The following ZNF804B variants were observed in gnomAD, a reference collection of about 807,000 sequenced individuals.
ZNF804B encodes zinc finger protein 804B.
Under a neutral mutation model 101.4 loss-of-function variants are expected in ZNF804B, and 80 were observed. The observed-to-expected ratio is 0.79, with a 90% confidence interval of 0.66 to 0.95. The LOEUF (loss-of-function observed/expected upper bound fraction) is 0.95, where lower values mean the gene tolerates loss of function less well. Among genes scored for constraint, ZNF804B ranks in the 40% least tolerant of loss-of-function variants. ZNF804B has a pLI of 0.00. For missense variants in ZNF804B, 1,673 were observed against 1,561.9 expected, an observed-to-expected ratio of 1.07 and a Z score of -1.20; for synonymous variants, 622 against 558.8, an observed-to-expected ratio of 1.11 and a Z score of -1.59.
At chr7:88,795,834 C>T (rs1562796119) in intron 1 of ZNF804B, 1 of 152,038 alleles carries the variant, frequency 6.6e-6, no homozygotes, top group Non-Finnish European at 1.5e-5. Flanking sequence ...ACGGGTATCT[C>T]GACAAACACT....
chr7:88,878,003 T>TA (rs2115900471), intron 1 of ZNF804B, among the ~76,000 whole-genome samples: 1 of 152,256 alleles, frequency 6.6e-6, no homozygotes, highest in South Asian at 2.1e-4. Context: ...AATACTATTG[T>TA]AAAAAAGATG....
intron 1 of ZNF804B, among the ~76,000 whole-genome samples, chr7:88,949,860 TTTGTAG>T (rs1793191237): frequency 6.6e-6 from 1 of 151,942 alleles, no homozygotes; most frequent in Non-Finnish European, 1.5e-5. Context: ...GCTGTACAGG[TTTGTAG>T]CCTAGGAGCG....
intron 1 of ZNF804B, among the ~76,000 whole-genome samples, chr7:88,814,824 G>A (rs1790851555): frequency 6.6e-6 from 1 of 151,740 alleles, no homozygotes; most frequent in African/African-American, 2.4e-5. Flanking sequence ...AGAAAGATTT[G>A]AATTTTTTAC....
chr7:88,999,512 TG>T (rs1424619709), intron 1 of ZNF804B, among the ~76,000 whole-genome samples: 1 of 152,016 alleles, frequency 6.6e-6, no homozygotes, highest in East Asian at 1.9e-4. Flanking sequence ...TAGTCTACTC[TG>T]TCATTTTTCC....
chr7:89,331,439 A>T (rs1463766970), intron 3 of ZNF804B, among the ~76,000 whole-genome samples: 3 of 151,744 alleles, frequency 2.0e-5, no homozygotes, highest in African/African-American at 7.2e-5. Flanking sequence ...TGCCTAATGA[A>T]CATCAAAAAT....
At chr7:89,223,826 G>T (rs534326901) in intron 2 of ZNF804B, among the ~76,000 whole-genome samples, 1 of 151,746 alleles carries the variant, frequency 6.6e-6, no homozygotes, top group Non-Finnish European at 1.5e-5. Context: ...TATAGCTCAC[G>T]TTTTTGGAAA....
At chr7:89,171,559 G>A (rs553991220) in intron 1 of ZNF804B, among the ~76,000 whole-genome samples, 4 of 151,680 alleles carry the variant, frequency 2.6e-5, no homozygotes, top group East Asian at 3.9e-4. Context: ...CTCAGCCTCC[G>A]GAGTAGCTGG....
chr7:88,797,452 T>C (rs1790503644), intron 1 of ZNF804B, among the ~76,000 whole-genome samples: 1 of 152,164 alleles, frequency 6.6e-6, no homozygotes, highest in South Asian at 2.1e-4. Flanking sequence ...TTTCCCTCCA[T>C]AGAATGCTGG....
chr7:88,786,359 A>G lies in ZNF804B; in HGVS notation c.108+26275A>G, dbSNP rs367748485. 3.5e-4 allele frequency among the ~76,000 whole-genome samples: 54 copies of G among 152,276 alleles called. No individual in the cohort carries two copies. In the East Asian group the frequency reaches 5.4e-3, roughly 15 times the overall value. ...TGACTCTGCATATAATGGGCAATCA[A>G]TAAATAATTCTTGGATTAATGTTTG... On this transcript the variant is annotated intron_variant, in intron 1 of 3. Coordinates refer to ENST00000333190, the MANE Select transcript of ZNF804B (RefSeq NM_181646.5).
At chr7:88,996,401 C>A (rs1421253901) in intron 1 of ZNF804B, among the ~76,000 whole-genome samples, 1 of 152,056 alleles carries the variant, frequency 6.6e-6, no homozygotes, top group Non-Finnish European at 1.5e-5. Context: ...CTCTTATGTT[C>A]TTGTTTACCG....
rs142373327 is a variant in ZNF804B at position 88,878,432 on chromosome 7, T to C, written c.108+118348T>C. 7.7e-4 allele frequency among the ~76,000 whole-genome samples: 118 copies of C among 152,294 alleles called. 1 individual carries two copies. The highest frequency in any genetic ancestry group is 2.6e-3 in the African/African-American group (110 of 41,576). On this transcript the variant is annotated intron_variant, in intron 1 of 3. Coordinates refer to ENST00000333190, the MANE Select transcript of ZNF804B (RefSeq NM_181646.5). Reference sequence around the variant, plus strand: ...TGTCTTAACAACTCAATTTTAATTTTATAGAGGATAGATTACTCAGTATTC... The same window carrying C: ...TGTCTTAACAACTCAATTTTAATTTCATAGAGGATAGATTACTCAGTATTC...
chr7:89,273,531 C>G (rs1377207344), intron 2 of ZNF804B, among the ~76,000 whole-genome samples: 1 of 152,108 alleles, frequency 6.6e-6, no homozygotes, highest in East Asian at 1.9e-4. Flanking sequence ...TAAATATTTA[C>G]TGCTAGAAGC....
At chr7:89,191,312 T>C (rs1392373857) in intron 1 of ZNF804B, among the ~76,000 whole-genome samples, 1 of 152,176 alleles carries the variant, frequency 6.6e-6, no homozygotes, top group Non-Finnish European at 1.5e-5. Context: ...ATTTCCAGCA[T>C]TCATTATGAA....
intron 1 of ZNF804B, among the ~76,000 whole-genome samples, chr7:89,177,620 C>T (rs920455690): frequency 3.3e-5 from 5 of 152,214 alleles, no homozygotes; most frequent in Admixed American, 1.3e-4. Context: ...CTATTAGGTC[C>T]ATTTGGTCAA....
At chr7:88,821,373 T>C (rs560404922) in intron 1 of ZNF804B, among the ~76,000 whole-genome samples, 15 of 152,238 alleles carry the variant, frequency 9.9e-5, no homozygotes, top group Non-Finnish European at 1.5e-4. Context: ...TATGTGACTT[T>C]ACTCGATATT....
chr7:88,808,076 T>C (rs1790719485), intron 1 of ZNF804B, among the ~76,000 whole-genome samples: 1 of 152,092 alleles, frequency 6.6e-6, no homozygotes, highest in East Asian at 1.9e-4. Flanking sequence ...CATTCAAATA[T>C]GTACTCACTT....
intron 1 of ZNF804B, among the ~76,000 whole-genome samples, chr7:88,764,966 A>G (rs889966874): frequency 1.3e-5 from 2 of 152,140 alleles, no homozygotes. Flanking sequence ...TATCATATAA[A>G]GCAACCTCCT....
chr7:88,808,166 C>T (rs1017543610), intron 1 of ZNF804B, among the ~76,000 whole-genome samples: 7 of 151,770 alleles, frequency 4.6e-5, no homozygotes, highest in African/African-American at 9.7e-5. Context: ...CTGAGGCGGG[C>T]GGATCACCTG....
intron 1 of ZNF804B, among the ~76,000 whole-genome samples, chr7:88,860,728 T>G (rs994153179): frequency 6.6e-6 from 1 of 152,014 alleles, no homozygotes; most frequent in Admixed American, 6.6e-5. Flanking sequence ...TAGACACGAA[T>G]ACAAGAAAAA....
Sources: gnomAD v4.1 joint callset for allele counts (sites outside exome capture counted in the v4.1 genomes callset) on GRCh38, gnomAD v4.1.1 for gene constraint, MANE v1.5 for transcripts, NCBI Gene and HGNC (gene_info 2026-07-23, HGNC 2026-07-21) for gene names.